Variants in ARCN1 observed in about 807,000 individuals in gnomAD.
ARCN1 encodes the protein archain 1 coat protein complex I subunit delta.
ARCN1 carries 5 observed loss-of-function variants against 60.4 expected under a neutral mutation model. The observed-to-expected ratio is 0.08, with a 90% CI of 0.04 to 0.17. ARCN1 has a LOEUF of 0.17. Ranked by LOEUF, ARCN1 falls within the 10% of genes least tolerant of loss-of-function variation. ARCN1 has a pLI of 1.00. For synonymous variants in ARCN1, 224 were observed against 220.0 expected (o/e 1.02, Z -0.16); for missense variants, 464 against 626.5 (o/e 0.74, Z 2.77).
intron 1 of ARCN1, chr11:118,573,888 G>T (rs571720285): frequency 4.2e-6 from 2 of 475,312 alleles, no homozygotes; most frequent in Non-Finnish European, 7.5e-6. Context: ...TCTGTATTTG[G>T]TTAGTGATTT....
rs150315708 is a variant in ARCN1, at chr11:118,577,308, A to G, written c.4-3938A>G. Among the ~76,000 whole-genome samples, 982 of 150,720 alleles carry G rather than the reference A, an allele frequency of 6.5e-3. 16 individuals are homozygous for G. Among genetic ancestry groups the G allele is most frequent in the Admixed American group, 0.038 (567 of 15,070 alleles). ...GTAGCCCAGGCTGGAGTGAAGTGGT[A>G]TGATCTTGGCTTACTGCAACTTCCG... On this transcript the variant is annotated intron_variant, in intron 1 of 9. Coordinates refer to ENST00000264028, the MANE Select transcript of ARCN1 (RefSeq NM_001655.5).
At chr11:118,598,171 T>C (rs1939069906) in intron 9 of ARCN1, among the ~76,000 whole-genome samples, 1 of 152,140 alleles carries the variant, frequency 6.6e-6, no homozygotes, top group Admixed American at 6.5e-5. Flanking sequence ...TTGTGGATTA[T>C]GCAAGATTCA....
chr11:118,578,959 G>A (rs539351547), intron 1 of ARCN1, among the ~76,000 whole-genome samples: 138 of 137,468 alleles, frequency 1.0e-3, no homozygotes, highest in African/African-American at 3.7e-3. Context: ...TTTTTCATGA[G>A]ATGCATGTTT....
chr11:118,580,049 G>A (rs376433281), intron 1 of ARCN1, among the ~76,000 whole-genome samples: 1 of 152,148 alleles, frequency 6.6e-6, no homozygotes, highest in Non-Finnish European at 1.5e-5. Flanking sequence ...CTGGCTAGGC[G>A]TGGTGACTCA....
chr11:118,580,992 G>A (rs1454714526), intron 1 of ARCN1, among the ~76,000 whole-genome samples: 2 of 152,068 alleles, frequency 1.3e-5, no homozygotes, highest in Non-Finnish European at 2.9e-5. Context: ...AAAAATTAGC[G>A]AGGCTTGGTG....
chr11:118,581,528 T>A lies in ARCN1; in HGVS notation c.267+19T>A. ...AAGAGTGGTAAGAGTACTGCTATAA[T>A]ACTGGGTTCCACTTTTTGTTTTACA... On this transcript the variant is annotated intron_variant, in intron 2 of 9. Transcript: ENST00000264028. The A allele has an allele frequency of 6.3e-7, 1 of 1,578,934 alleles. No individual in the cohort carries two copies. Among genetic ancestry groups the A allele is most frequent in the Non-Finnish European group, 8.6e-7 (1 of 1,162,342 alleles).
In ARCN1 at chr11:118,583,876, A is replaced by C. The variant is rs782596288; in HGVS notation, c.515A>C (p.Asp172Ala). 1 of 1,614,258 alleles carries C rather than the reference A, an allele frequency of 6.2e-7. No homozygotes were observed. The highest frequency in any genetic ancestry group is 8.5e-7 in the Non-Finnish European group (1 of 1,180,052). ...KAKELQQARRDAERQGKKAPG... is the reference protein window; with the variant it reads ...KAKELQQARRAAERQGKKAPG... ...AAGGAATTACAACAGGCCCGAAGAG[A>C]TGCAGAGAGACAGGGCAAAAAAGCA... The change falls in exon 4 of 10, where the codon GAT (aspartate) becomes GCT (alanine). Residue 172 changes from aspartate (D) to alanine (A), a missense_variant. Physicochemically the swap from Asp to Ala is moderately radical, Grantham distance 126 (BLOSUM62 -2). Transcript: ENST00000264028.
At chr11:118,576,729 AT>A (rs1408798073) in intron 1 of ARCN1, among the ~76,000 whole-genome samples, 2 of 152,114 alleles carry the variant, frequency 1.3e-5, no homozygotes, top group East Asian at 3.9e-4. Flanking sequence ...GGAACCTGTA[AT>A]TTGTGGTGTC....
At chr11:118,592,570 C>T (rs545376132) in intron 6 of ARCN1, 139 bp from the exon 7 acceptor site, 2 of 582,284 alleles carry the variant, frequency 3.4e-6, no homozygotes, top group South Asian at 4.6e-5. Flanking sequence ...GAAGGGAAAT[C>T]TTTCTTCAAA....
chr11:118,583,144 C>A, intron 2 of ARCN1, 35 bp from the exon 3 acceptor site: 1 of 1,606,608 alleles, frequency 6.2e-7, no homozygotes, highest in Non-Finnish European at 8.5e-7. Flanking sequence ...CTGATAAATT[C>A]TAAATCTTTC....
chr11:118,598,064 G>A (rs1565366818), intron 9 of ARCN1, among the ~76,000 whole-genome samples, 153 bp downstream of exon 9: 1 of 152,128 alleles, frequency 6.6e-6, no homozygotes, highest in African/African-American at 2.4e-5. Context: ...CTAATTCATT[G>A]TATGATCGTG....
chr11:118,575,889 T>TA (rs1555073436), intron 1 of ARCN1, among the ~76,000 whole-genome samples: 1 of 152,194 alleles, frequency 6.6e-6, no homozygotes, highest in Non-Finnish European at 1.5e-5. Context: ...AGCCTAATGT[T>TA]ACTATAAAAT....
Position 118,586,932 on chromosome 11 carries a change from A to G in ARCN1, c.818+2288A>G, listed in dbSNP as rs781932455. On this transcript the variant is annotated intron_variant, in intron 5 of 9. Transcript: ENST00000264028. ...GAGACACTGTTTTTTTCTAAATGAT[A>G]AATTGCCTCTTGAGCACAGAGCAAA... is the stretch of plus-strand genomic sequence containing the variant. 5.3e-5 allele frequency among the ~76,000 whole-genome samples: 8 copies of G among 152,180 alleles called. 1 individual carries two copies. Among genetic ancestry groups the G allele is most frequent in the Middle Eastern group, 3.4e-3 (1 of 294 alleles).
At chr11:118,599,087 C>A (rs1474827944) in intron 9 of ARCN1, among the ~76,000 whole-genome samples, 2 of 149,482 alleles carry the variant, frequency 1.3e-5, no homozygotes, top group Non-Finnish European at 3.0e-5. Context: ...AACTACCACG[C>A]CTGGCGGATT....
At chr11:118,583,126 T>TA in intron 2 of ARCN1, 53 bp from the exon 3 acceptor site, 1 of 1,577,668 alleles carries the variant, frequency 6.3e-7, no homozygotes, top group Middle Eastern at 1.7e-4. Flanking sequence ...GACTTGGAAA[T>TA]ATAGCTGCTG....
intron 1 of ARCN1, among the ~76,000 whole-genome samples, chr11:118,576,452 A>G (rs1374305224): frequency 7.1e-6 from 1 of 139,932 alleles, no homozygotes; most frequent in African/African-American, 2.6e-5. Flanking sequence ...AAAAAAAACC[A>G]AAAACTTTGT....
chr11:118,590,895 A>G (rs1158732115), intron 6 of ARCN1, among the ~76,000 whole-genome samples: 5 of 152,218 alleles, frequency 3.3e-5, no homozygotes, highest in African/African-American at 1.2e-4. Context: ...GCTCATGCCT[A>G]TAATACCAGC....
intron 5 of ARCN1, among the ~76,000 whole-genome samples, chr11:118,589,745 CT>C (rs1225967714): frequency 6.6e-6 from 1 of 152,032 alleles, no homozygotes; most frequent in Non-Finnish European, 1.5e-5. Context: ...GAGCAGCCCC[CT>C]ATTGGCAGAC....
At chr11:118,588,665 G>A (rs1938828359) in intron 5 of ARCN1, among the ~76,000 whole-genome samples, 1 of 152,086 alleles carries the variant, frequency 6.6e-6, no homozygotes, top group Admixed American at 6.5e-5. Context: ...AACTGTGATT[G>A]TGTCTCTGAA....
Sources: gnomAD v4.1 joint callset for allele counts (sites outside exome capture counted in the v4.1 genomes callset) on GRCh38, gnomAD v4.1.1 for gene constraint, MANE v1.5 for transcripts, NCBI Gene and HGNC (gene_info 2026-07-23, HGNC 2026-07-21) for gene names.